The following SRBD1 variants were observed in gnomAD, a reference collection of about 807,000 sequenced individuals.
The protein encoded by SRBD1 is S1 RNA-binding domain-containing protein 1.
A neutral mutation model predicts 115.3 loss-of-function variants in SRBD1; 88 were observed. The ratio of observed to expected loss-of-function variants is 0.76; its 90% CI spans 0.64 to 0.91. The LOEUF is 0.91. Ranked by LOEUF, SRBD1 falls within the 40% of genes least tolerant of loss-of-function variation. SRBD1 has a pLI of 0.00. For synonymous variants in SRBD1, 509 were observed against 407.7 expected (o/e 1.25, Z -2.99); for missense variants, 1,385 against 1,177.4 (o/e 1.18, Z -2.58).
At chr2:45,605,559 G>T (rs1674242509) in intron 1 of SRBD1, 118 bp from the exon 2 acceptor site, 1 of 943,506 alleles carries the variant, frequency 1.1e-6, no homozygotes, top group East Asian at 2.5e-5. Flanking sequence ...AAACAATGAT[G>T]TTTATTCACA....
chr2:45,497,938 G>T (rs1021983095), intron 14 of SRBD1, among the ~76,000 whole-genome samples: 5 of 152,210 alleles, frequency 3.3e-5, no homozygotes, highest in South Asian at 2.1e-4. Context: ...GGAGGCTGAG[G>T]CAGGAGAATC....
At chr2:45,440,189 T>C (rs561544209) in intron 16 of SRBD1, among the ~76,000 whole-genome samples, 84 of 152,268 alleles carry the variant, frequency 5.5e-4, no homozygotes, top group Admixed American at 2.8e-3. Context: ...CTGGTGATGA[T>C]TAAAATTTAA....
At chr2:45,413,786 G>C (rs1293006351) in intron 18 of SRBD1, among the ~76,000 whole-genome samples, 2 of 151,996 alleles carry the variant, frequency 1.3e-5, no homozygotes, top group Non-Finnish European at 2.9e-5. Context: ...AAATTAGCTG[G>C]GTGTGGTGGT....
chr2:45,601,731 G>A (rs1052218500), intron 3 of SRBD1, among the ~76,000 whole-genome samples, 172 bp downstream of exon 3: 2 of 152,216 alleles, frequency 1.3e-5, no homozygotes, highest in Non-Finnish European at 2.9e-5. Flanking sequence ...AGGGAAAAGG[G>A]AATAGACAAA....
intron 18 of SRBD1, among the ~76,000 whole-genome samples, chr2:45,415,019 TAC>T (rs1224752974): frequency 3.6e-5 from 3 of 83,680 alleles, no homozygotes; most frequent in South Asian, 4.0e-4. Flanking sequence ...AGTATGTATA[TAC>T]ACACATATAG....
At chr2:45,495,660 G>A (rs966079841) in intron 14 of SRBD1, among the ~76,000 whole-genome samples, 6 of 152,142 alleles carry the variant, frequency 3.9e-5, no homozygotes, top group East Asian at 1.9e-4. Flanking sequence ...GACCTGATGC[G>A]TAAGTGGCAT....
chr2:45,574,700 C>T lies in SRBD1; in HGVS notation c.1096G>A (p.Glu366Lys). 1 of 1,613,540 alleles carries T rather than the reference C, an allele frequency of 6.2e-7. No individual in the cohort carries two copies. The highest frequency in any genetic ancestry group is 8.5e-7 in the Non-Finnish European group (1 of 1,179,794). ...GCTAAAATATGCTGCACTCCTATTT[C>T]AATATCCTGAAGCGTTGAAAGCCCT... is the stretch of plus-strand genomic sequence containing the variant. ...VKGLSTLQDI[E>K]IGVQHILADM... The change falls in exon 8 of 21, where the codon GAA becomes AAA. Residue 366 changes from glutamate (E) to lysine (K), a missense_variant. Physicochemically the swap from Glu to Lys is moderately conservative, Grantham distance 56. Transcript: ENST00000263736.
intron 4 of SRBD1, among the ~76,000 whole-genome samples, chr2:45,593,882 AAGG>A: frequency 6.6e-6 from 1 of 152,324 alleles, no homozygotes. Flanking sequence ...TATGAGACAG[AAGG>A]AGGAATTGGA....
intron 16 of SRBD1, among the ~76,000 whole-genome samples, chr2:45,422,293 TCTC>T (rs1475820477): frequency 6.6e-6 from 1 of 152,086 alleles, no homozygotes; most frequent in Non-Finnish European, 1.5e-5. Context: ...GTCAACCCCT[TCTC>T]CTCCTTTCAA....
At chr2:45,507,440 G>A (rs1483549528) in intron 14 of SRBD1, among the ~76,000 whole-genome samples, 3 of 152,074 alleles carry the variant, frequency 2.0e-5, no homozygotes, top group African/African-American at 4.8e-5. Flanking sequence ...ATATTAGGCT[G>A]GGCGCGGCGG....
chr2:45,389,128 A>C lies in SRBD1; in HGVS notation c.*182T>G. On this transcript the variant is annotated 3_prime_UTR_variant, in exon 21 of 21. Transcript: ENST00000263736. ...TAGTTGTTTCCTTTAAGGGAAAAGG[A>C]AATCAAACTGTTGGTTTTCTATTTA... 1 of 712,624 alleles carries C rather than the reference A, an allele frequency of 1.4e-6. No individual in the cohort carries two copies. The highest frequency in any genetic ancestry group is 2.2e-6 in the Non-Finnish European group (1 of 445,284). The allele number at this position is 712,624 out of a possible 1,614,324, so 44.1% of individuals were successfully genotyped here. A position where few individuals can be genotyped will look rare whatever the true frequency, so the allele number is the denominator to read the frequency against.
chr2:45,408,314 T>C (rs981293970), intron 19 of SRBD1, among the ~76,000 whole-genome samples: 5 of 152,192 alleles, frequency 3.3e-5, no homozygotes, highest in African/African-American at 1.2e-4. Context: ...CCAAACTGGA[T>C]AATGGGGATG....
intron 9 of SRBD1, among the ~76,000 whole-genome samples, chr2:45,565,428 A>T (rs35424190): frequency 0.028 from 4,263 of 152,332 alleles, 156 homozygotes; most frequent in East Asian, 0.1. Context: ...ACCACATGCA[A>T]AAGAACAAAA....
chr2:45,478,929 T>C (rs10165967), intron 15 of SRBD1, among the ~76,000 whole-genome samples: 126,190 of 152,118 alleles, frequency 0.83, 53,042 homozygotes, highest in African/African-American at 0.93. Context: ...AGTCTATTGG[T>C]GCCATTTTTC....
Position 45,532,813 on chromosome 2 carries a change from G to C in SRBD1, c.1874+13919C>G, listed in dbSNP as rs982856412. Among the ~76,000 whole-genome samples the C allele has an allele frequency of 8.1e-5, 12 of 148,010 alleles. 1 individual carries two copies. The highest frequency in any genetic ancestry group is 1.5e-4 in the Non-Finnish European group (10 of 65,572). On this transcript the variant is annotated intron_variant, in intron 14 of 20. Transcript: ENST00000263736. ...AAAGGTTTACCGACCCCCCACTGCA[G>C]CCAAAAGATATATAAAACACAAATA... is the stretch of plus-strand genomic sequence containing the variant.
In SRBD1 at chr2:45,389,399, G is replaced by A. The variant is rs1666935573; in HGVS notation, c.2899C>T (p.Leu967=). ...SKTKKRRSLG[L]GPGERVEVQV... ...ACTTCCACTCTTTCTCCGGGGCCCA[G>A]TCCAAGGCTTCTTCTCTTCTTTGTT... is the stretch of plus-strand genomic sequence containing the variant. Residue 967 remains leucine (L), a synonymous_variant, in exon 21 of 21, where the codon CTG becomes TTG. Transcript: ENST00000263736. 6.2e-7 allele frequency: 1 copy of A among 1,614,074 alleles called. No homozygotes were observed. Among genetic ancestry groups the A allele is most frequent in the Non-Finnish European group, 8.5e-7 (1 of 1,179,952 alleles).
At chr2:45,417,815 T>G (rs1667876334) in intron 18 of SRBD1, among the ~76,000 whole-genome samples, 1 of 152,166 alleles carries the variant, frequency 6.6e-6, no homozygotes, top group African/African-American at 2.4e-5. Context: ...AAGTGGTCAT[T>G]TTGAAGTCAC....
At chr2:45,609,521 C>A (rs1179811549) in intron 1 of SRBD1, among the ~76,000 whole-genome samples, 1 of 152,204 alleles carries the variant, frequency 6.6e-6, no homozygotes, top group East Asian at 1.9e-4. Flanking sequence ...CTTCCCACCC[C>A]ATCCTTCACT....
At position 45,489,618 on chromosome 2, in the gene SRBD1, T is replaced by C. The variant is rs181915068; in HGVS notation, c.1875-1287A>G. Among the ~76,000 whole-genome samples the C allele has an allele frequency of 2.6e-4, 40 of 152,230 alleles. 1 individual carries two copies. The East Asian group carries it at 7.0e-3, about 26-fold the overall frequency. Reference sequence around the variant, plus strand: ...CTGTTTTTCATCATCACCATCATCATGATACAATAACAGCTGAGTGCATAT... The same window carrying C: ...CTGTTTTTCATCATCACCATCATCACGATACAATAACAGCTGAGTGCATAT... On this transcript the variant is annotated intron_variant, in intron 14 of 20. Transcript: ENST00000263736.
Sources: gnomAD v4.1 joint callset for allele counts (sites outside exome capture counted in the v4.1 genomes callset) on GRCh38, gnomAD v4.1.1 for gene constraint, MANE v1.5 for transcripts, NCBI Gene and HGNC (gene_info 2026-07-23, HGNC 2026-07-21) for gene names.